CD109: variants seen among roughly 807,000 people sequenced by gnomAD.
The protein encoded by CD109 is CD109 antigen.
CD109 carries 149 observed loss-of-function variants against 165.8 expected under a neutral mutation model. The observed-to-expected ratio is 0.90, with a 90% confidence interval of 0.79 to 1.03. CD109 has a LOEUF of 1.03. Ranked by LOEUF, CD109 falls within the 50% of genes least tolerant of loss-of-function variation. The probability of loss-of-function intolerance (pLI) is 0.00; values close to 1 mark genes in which losing one functional copy is unlikely to be tolerated. For synonymous variants in CD109, 585 were observed against 592.1 expected, an observed-to-expected ratio of 0.99 and a Z score of 0.18; for missense variants, 1,712 against 1,677.8, an observed-to-expected ratio of 1.02 and a Z score of -0.36.
intron 2 of CD109, among the ~76,000 whole-genome samples, chr6:73,717,651 G>A (rs796967570): frequency 1.6e-4 from 18 of 114,052 alleles, no homozygotes; most frequent in African/African-American, 6.2e-4. Context: ...ATGGAGTCTC[G>A]CTCTGTCACC....
chr6:73,705,159 A>G (rs1771218857), intron 2 of CD109, among the ~76,000 whole-genome samples: 1 of 152,172 alleles, frequency 6.6e-6, no homozygotes, highest in Admixed American at 6.6e-5. Flanking sequence ...GTTTGGGGAG[A>G]CATCCAGGTG....
Position 73,823,724 on chromosome 6 carries a change from G to GA in CD109, c.*97dup, listed in dbSNP as rs1776182390. ...CGTAGAAGAATACTGCTTCTATTTT[G>GA]AAAAAAGAGTTTTTTTTCTTTCTAT... is the stretch of plus-strand genomic sequence containing the variant. On this transcript the variant is annotated 3_prime_UTR_variant, in exon 33 of 33. Coordinates refer to ENST00000287097, the MANE Select transcript of CD109 (RefSeq NM_133493.5). 2.4e-6 allele frequency: 3 copies of GA among 1,259,196 alleles called. No individual in the cohort carries two copies. Among genetic ancestry groups the GA allele is most frequent in the Non-Finnish European group, 3.3e-6 (3 of 910,794 alleles). 78.0% of individuals were successfully genotyped at this position (1,259,196 alleles called of 1,614,324 possible). A position where few individuals can be genotyped will look rare whatever the true frequency, so the allele number is the denominator to read the frequency against.
chr6:73,728,056 C>T (rs936833843), intron 3 of CD109, among the ~76,000 whole-genome samples: 3 of 152,184 alleles, frequency 2.0e-5, no homozygotes, highest in Non-Finnish European at 4.4e-5. Context: ...CGCAGTGGCT[C>T]ACATGTATAA....
At chr6:73,701,012 A>G (rs1771055956) in intron 2 of CD109, among the ~76,000 whole-genome samples, 1 of 151,162 alleles carries the variant, frequency 6.6e-6, no homozygotes, top group Admixed American at 6.6e-5. Context: ...TGTGTTAGCC[A>G]GGTTGGTCTT....
At chr6:73,695,904 C>T, upstream of CD109, 1 of 389,504 alleles carries the variant, frequency 2.6e-6, no homozygotes, top group Non-Finnish European at 4.7e-6. Context: ...TGGGCGCGCT[C>T]TGTTCTCCGC....
At chr6:73,805,707 G>T (rs1775537485) in intron 24 of CD109, among the ~76,000 whole-genome samples, 1 of 152,184 alleles carries the variant, frequency 6.6e-6, no homozygotes, top group African/African-American at 2.4e-5. Context: ...CGCAGTGTTT[G>T]TGTCCCTGGG....
Position 73,812,215 on chromosome 6 carries a change from T to C in CD109, c.3713T>C (p.Val1238Ala), listed in dbSNP as rs1390126614. 9 of 1,609,558 alleles carry C rather than the reference T, an allele frequency of 5.6e-6. No individual in the cohort carries two copies. Among genetic ancestry groups the C allele is most frequent in the Non-Finnish European group, 7.6e-6 (9 of 1,176,976 alleles). Residue 1238 changes from valine (V) to alanine (A), a missense_variant, in exon 29 of 33, where the codon GTA becomes GCA. Transcript: ENST00000287097. The part of the protein sequence containing the change: ...LLLQTAELAV[V>A]QPTAVNISAN... ...TTCACCTTGATTCAGCTTGCTGTGG[T>C]ACAGCCAACGGCAGTTAATATTTCC...
intron 23 of CD109, among the ~76,000 whole-genome samples, chr6:73,802,350 G>A (rs1368093747): frequency 7.1e-6 from 1 of 141,248 alleles, no homozygotes; most frequent in African/African-American, 2.7e-5. Context: ...GGAATTGGTG[G>A]GTAGGCAGGC....
intron 22 of CD109, among the ~76,000 whole-genome samples, chr6:73,791,109 A>C (rs1446323905): frequency 7.2e-6 from 1 of 138,780 alleles, no homozygotes; most frequent in African/African-American, 2.7e-5. Context: ...AGAGGACTTT[A>C]TTTGGAGGCA....
Position 73,809,992 on chromosome 6 carries a change from C to A in CD109, c.3364C>A (p.Gln1122Lys). Residue 1122 changes from glutamine (Q) to lysine (K), a missense_variant, in exon 27 of 33, where the codon CAA becomes AAA. Transcript: ENST00000287097. ...TTACTTTTCTCTTGCAGGTGGCATG[C>A]AATTCTGGGTGTCATCAGAGTCCAA... ...TWRAEQEGGM[Q>K]FWVSSESKLS... The A allele has an allele frequency of 6.3e-7, 1 of 1,585,384 alleles. No homozygotes were observed. The highest frequency in any genetic ancestry group is 8.5e-7 in the Non-Finnish European group (1 of 1,169,996).
intron 2 of CD109, among the ~76,000 whole-genome samples, chr6:73,705,375 C>G (rs1653239312): frequency 6.6e-6 from 1 of 152,138 alleles, no homozygotes; most frequent in Non-Finnish European, 1.5e-5. Context: ...CACAGTGGCT[C>G]ATGCCTGTAA....
intron 4 of CD109, among the ~76,000 whole-genome samples, chr6:73,735,928 A>G (rs553212226): frequency 2.6e-5 from 4 of 152,280 alleles, no homozygotes; most frequent in African/African-American, 9.6e-5. Context: ...TTTTAACACT[A>G]CTACCACCAC....
chr6:73,786,024 C>G (rs1353961443), intron 20 of CD109, among the ~76,000 whole-genome samples: 1 of 151,424 alleles, frequency 6.6e-6, no homozygotes, highest in Non-Finnish European at 1.5e-5. Flanking sequence ...TTGTGTTTTT[C>G]ATAGAGACAG....
chr6:73,706,008 A>C (rs976880529), intron 2 of CD109, among the ~76,000 whole-genome samples: 1 of 152,154 alleles, frequency 6.6e-6, no homozygotes, highest in African/African-American at 2.4e-5. Flanking sequence ...CCTGGGTTAG[A>C]AGTGGTGAGA....
Position 73,817,144 on chromosome 6 carries a change from T to C in CD109, c.3912-1244T>C, listed in dbSNP as rs1582208365. 3.3e-5 allele frequency among the ~76,000 whole-genome samples: 5 copies of C among 152,296 alleles called. No individual in the cohort carries two copies. The East Asian group carries it at 9.6e-4, about 29-fold the overall frequency. ...AAGATTACTTGATATTTCAGACACT[T>C]TATTCCTATCAACAGGGTCCAAGAC... On this transcript the variant is annotated intron_variant, in intron 30 of 32. Coordinates refer to ENST00000287097, the MANE Select transcript of CD109 (RefSeq NM_133493.5).
intron 2 of CD109, among the ~76,000 whole-genome samples, chr6:73,698,935 G>A (rs1241237822): frequency 6.6e-6 from 1 of 152,136 alleles, no homozygotes; most frequent in African/African-American, 2.4e-5. Context: ...ATTTCCCAGG[G>A]CAGTTATAAA....
chr6:73,745,660 T>C (rs72955220), intron 5 of CD109, among the ~76,000 whole-genome samples: 3,706 of 152,330 alleles, frequency 0.024, 65 homozygotes, highest in East Asian at 0.041. Flanking sequence ...TAATATACTA[T>C]TAAGGATTAG....
chr6:73,793,936 GT>G (rs1192533318), intron 23 of CD109, among the ~76,000 whole-genome samples: 1 of 152,026 alleles, frequency 6.6e-6, no homozygotes, highest in Non-Finnish European at 1.5e-5. Context: ...TTTAGTTTTT[GT>G]TTTTTTATAA....
chr6:73,764,784 C>T (rs1358670260), intron 10 of CD109, among the ~76,000 whole-genome samples: 1 of 150,436 alleles, frequency 6.6e-6, no homozygotes, highest in Non-Finnish European at 1.5e-5. Context: ...CCATTGCACT[C>T]CAGCCTGGGC....
Sources: gnomAD v4.1 joint callset for allele counts (sites outside exome capture counted in the v4.1 genomes callset) on GRCh38, gnomAD v4.1.1 for gene constraint, MANE v1.5 for transcripts, NCBI Gene and HGNC (gene_info 2026-07-23, HGNC 2026-07-21) for gene names.